Variants in TIAM2 observed in about 807,000 individuals in gnomAD.
TIAM2 encodes the protein TIAM Rac1 associated GEF 2, also known as rho guanine nucleotide exchange factor TIAM2.
TIAM2 carries 80 observed loss-of-function variants against 152.9 expected under a neutral mutation model. The observed-to-expected ratio is 0.52, with a 90% confidence interval of 0.44 to 0.63. TIAM2 has a LOEUF of 0.63. TIAM2 is among the 30% of genes least tolerant of loss of function. TIAM2 has a pLI of 0.00. For synonymous variants in TIAM2, 804 were observed against 838.0 expected (o/e 0.96, Z 0.70); for missense variants, 1,965 against 2,120.1 (o/e 0.93, Z 1.44).
intron 7 of TIAM2, among the ~76,000 whole-genome samples, chr6:155,163,586 T>C (rs1033319171): frequency 6.6e-6 from 1 of 152,244 alleles, no homozygotes; most frequent in Non-Finnish European, 1.5e-5. Context: ...CCAAGATACT[T>C]ACTTAGGAGT....
intron 2 of TIAM2, among the ~76,000 whole-genome samples, chr6:155,111,325 ACACACACACACACT>A (rs1252430073): frequency 3.2e-4 from 46 of 144,286 alleles, no homozygotes; most frequent in Admixed American, 1.1e-3. Flanking sequence ...ACACACACAC[ACACACACACACACT>A]CTCCGTTGAA....
Position 155,148,247 on chromosome 6 carries a change from A to G in TIAM2, c.1941A>G (p.Ile647Met). Residue 647 changes from isoleucine (I) to methionine (M), a missense_variant, in exon 7 of 27, where the codon ATA becomes ATG. Transcript: ENST00000682666. Reference protein sequence around the residue: ...KNQTKNLLQKIDMDSKMKKMA... With the variant: ...KNQTKNLLQKMDMDSKMKKMA... ...AGACCAAAAACCTGCTTCAGAAGAT[A>G]GACATGGACAGCAAGATGAAGAAGA... is the stretch of plus-strand genomic sequence containing the variant. 2 of 1,612,842 alleles carry G rather than the reference A, an allele frequency of 1.2e-6. No homozygotes were observed. The highest frequency in any genetic ancestry group is 1.1e-5 in the South Asian group (1 of 91,016).
intron 14 of TIAM2, among the ~76,000 whole-genome samples, chr6:155,210,401 C>T (rs1781692148): frequency 1.3e-5 from 2 of 151,928 alleles, no homozygotes; most frequent in African/African-American, 4.8e-5. Context: ...TCACTGCCGC[C>T]TCAAACTCCT....
At chr6:155,067,466 A>G (rs1188194471) in intron 1 of TIAM2, among the ~76,000 whole-genome samples, 2 of 152,152 alleles carry the variant, frequency 1.3e-5, no homozygotes, top group African/African-American at 2.4e-5. Context: ...GAAGAGGTCC[A>G]TGTCTCCAAG....
intron 14 of TIAM2, among the ~76,000 whole-genome samples, chr6:155,206,784 C>T (rs1781606479): frequency 6.6e-6 from 1 of 152,188 alleles, no homozygotes; most frequent in Non-Finnish European, 1.5e-5. Flanking sequence ...ATTGCTAGAC[C>T]TCTGCCCCAA....
At chr6:155,165,161 TAGTC>T (rs1780390276) in intron 8 of TIAM2, 98 bp from the exon 9 acceptor site, 5 of 1,271,434 alleles carry the variant, frequency 3.9e-6, no homozygotes, top group Admixed American at 2.8e-5. Context: ...CTTTTGGCGA[TAGTC>T]AGAATGCATT....
At chr6:155,231,331 G>A (rs1371021712) in intron 15 of TIAM2, among the ~76,000 whole-genome samples, 1 of 152,188 alleles carries the variant, frequency 6.6e-6, no homozygotes, top group East Asian at 1.9e-4. Flanking sequence ...GAACTGTCTA[G>A]TCTAGAAGAC....
At chr6:155,007,436 G>A (rs1778420699) in intron 1 of TIAM2, among the ~76,000 whole-genome samples, 2 of 150,660 alleles carry the variant, frequency 1.3e-5, no homozygotes, top group Non-Finnish European at 3.0e-5. Flanking sequence ...CCAGGCTGGA[G>A]TACAGTGGCA....
chr6:155,243,974 T>C, intron 16 of TIAM2, 37 bp from the exon 17 acceptor site: 3 of 1,561,456 alleles, frequency 1.9e-6, no homozygotes, highest in East Asian at 2.4e-5. Context: ...TTTTGGAGAC[T>C]AAAGCGTTGA....
intron 7 of TIAM2, among the ~76,000 whole-genome samples, chr6:155,159,304 G>A (rs148701186): frequency 6.6e-6 from 1 of 152,276 alleles, no homozygotes; most frequent in African/African-American, 2.4e-5. Context: ...GACATAAAGT[G>A]GACAGGTAAA....
chr6:155,239,750 T>G (rs1456805040), intron 15 of TIAM2, among the ~76,000 whole-genome samples: 1 of 152,166 alleles, frequency 6.6e-6, no homozygotes, highest in East Asian at 1.9e-4. Context: ...GGCCTGGCCC[T>G]GGCTCCCTGC....
At chr6:155,177,581 T>C (rs1365287444) in intron 10 of TIAM2, among the ~76,000 whole-genome samples, 1 of 152,224 alleles carries the variant, frequency 6.6e-6, no homozygotes, top group Non-Finnish European at 1.5e-5. Context: ...GCTTAAATAG[T>C]TTTAAGTTTC....
chr6:155,010,947 G>A (rs1264048975), intron 1 of TIAM2, among the ~76,000 whole-genome samples: 8 of 152,030 alleles, frequency 5.3e-5, no homozygotes, highest in Non-Finnish European at 8.8e-5. Context: ...GGGAGGCTGA[G>A]GCAGGAGAAT....
chr6:155,238,006 C>T (rs1356981901), intron 15 of TIAM2, among the ~76,000 whole-genome samples: 2 of 152,206 alleles, frequency 1.3e-5, no homozygotes, highest in Non-Finnish European at 2.9e-5. Context: ...TTTGCTATTG[C>T]ATTGTCAGGC....
intron 19 of TIAM2, among the ~76,000 whole-genome samples, chr6:155,247,719 A>G (rs977094069): frequency 6.6e-6 from 1 of 152,182 alleles, no homozygotes; most frequent in Non-Finnish European, 1.5e-5. Context: ...ATGTGTCTTT[A>G]AAGTCAGACA....
chr6:155,230,932 C>G (rs921009153), intron 15 of TIAM2, among the ~76,000 whole-genome samples: 8 of 150,984 alleles, frequency 5.3e-5, no homozygotes, highest in African/African-American at 1.7e-4. Context: ...CTCCCGGGTT[C>G]AAGCAGTCCT....
At chr6:155,104,040 A>ACCCCCCCCCCCCCCCCCCCC (rs774902405) in intron 2 of TIAM2, among the ~76,000 whole-genome samples, 1 of 57,732 alleles carries the variant, frequency 1.7e-5, no homozygotes, top group Non-Finnish European at 3.2e-5. Flanking sequence ...ACACACACAC[A>ACCCCCCCCCCCCCCCCCCCC]CCCCCCCCCC....
rs1291635743 is a variant in TIAM2, at chr6:155,029,435, ATAT to A, written c.-209+33947_-209+33949del. Reference sequence around the variant, plus strand: ...ATATATACTATATATACTATAGTATATATTATACTATAGTATATATTATATATA... The same window carrying A: ...ATATATACTATATATACTATAGTATATATACTATAGTATATATTATATATA... On this transcript the variant is annotated intron_variant, in intron 1 of 26. Coordinates refer to ENST00000682666, the MANE Select transcript of TIAM2 (RefSeq NM_012454.4). 7.5e-4 allele frequency among the ~76,000 whole-genome samples: 33 copies of A among 44,022 alleles called. 4 individuals carry two copies. Among genetic ancestry groups the A allele is most frequent in the African/African-American group, 2.5e-3 (28 of 11,080 alleles). The allele number at this position is 44,022 out of a possible 152,430, so 28.9% of individuals were successfully genotyped here.
At chr6:155,164,075 T>A (rs1326225737) in intron 7 of TIAM2, among the ~76,000 whole-genome samples, 1 of 150,050 alleles carries the variant, frequency 6.7e-6, no homozygotes, top group East Asian at 2.0e-4. Flanking sequence ...TTCTCCTGCC[T>A]CAGCCTCCAG....
Sources: allele counts gnomAD v4.1 joint callset (sites outside exome capture counted in the v4.1 genomes callset), GRCh38; gene constraint gnomAD v4.1.1; transcripts MANE v1.5; gene names NCBI Gene and HGNC (gene_info 2026-07-23, HGNC 2026-07-21).